Variants in PDE10A observed in about 807,000 individuals in gnomAD.
The protein encoded by PDE10A is phosphodiesterase 10A, also known as cAMP and cAMP-inhibited cGMP 3',5'-cyclic phosphodiesterase 10A.
Under a neutral mutation model 97.7 loss-of-function variants are expected in PDE10A, and 39 were observed. That is an observed-to-expected ratio of 0.40 (90% CI 0.31 to 0.52). PDE10A has a LOEUF of 0.52. Ranked by LOEUF, PDE10A falls within the 20% of genes least tolerant of loss-of-function variation. PDE10A has a pLI of 0.56. For synonymous variants in PDE10A, 371 were observed against 376.8 expected, an observed-to-expected ratio of 0.98 and a Z score of 0.18; for missense variants, 731 against 1,047.8, an observed-to-expected ratio of 0.70 and a Z score of 4.17.
chr6:165,485,062 C>T (rs1779821338), intron 2 of PDE10A, among the ~76,000 whole-genome samples: 1 of 152,174 alleles, frequency 6.6e-6, no homozygotes, highest in Non-Finnish European at 1.5e-5. Context: ...GGGTTCATTG[C>T]AACAGGTGAT....
chr6:165,403,923 T>C (rs1786889117), intron 13 of PDE10A, among the ~76,000 whole-genome samples: 1 of 152,206 alleles, frequency 6.6e-6, no homozygotes, highest in African/African-American at 2.4e-5. Flanking sequence ...TTTTTACGGC[T>C]GAATAATGTT....
At position 165,331,804 on chromosome 6, in the gene PDE10A, C is replaced by T. The variant is rs1312259351; in HGVS notation, c.*1221G>A. 10 of 152,116 alleles carry T rather than the reference C, an allele frequency of 6.6e-5. No individual in the cohort carries two copies. The highest frequency in any genetic ancestry group is 2.4e-4 in the African/African-American group (10 of 41,416). 9.4% of individuals were successfully genotyped at this position (152,116 alleles called of 1,614,324 possible). A position where few individuals can be genotyped will look rare whatever the true frequency, so the allele number is the denominator to read the frequency against. On this transcript the variant is annotated 3_prime_UTR_variant, in exon 22 of 22. Transcript: ENST00000539869. Reference sequence around the variant, plus strand: ...CAACCAAAAAGGTGTATAGAAGAAACCATCGAAACCCACAGGCTTCTATGG... The same window carrying T: ...CAACCAAAAAGGTGTATAGAAGAAATCATCGAAACCCACAGGCTTCTATGG...
intron 1 of PDE10A, among the ~76,000 whole-genome samples, chr6:165,854,896 C>T (rs1244148997): frequency 6.6e-6 from 1 of 152,156 alleles, no homozygotes; most frequent in Admixed American, 6.5e-5. Flanking sequence ...AAGAGGGGAC[C>T]GCGGGTCCCA....
intron 1 of PDE10A, among the ~76,000 whole-genome samples, chr6:165,879,335 G>C (rs922195218): frequency 1.8e-4 from 27 of 152,280 alleles, no homozygotes; most frequent in Middle Eastern, 3.4e-3. Context: ...TCTTAGCTTT[G>C]CTGTAGTTTG....
chr6:165,854,478 T>G (rs1780660337), intron 1 of PDE10A, among the ~76,000 whole-genome samples: 1 of 152,026 alleles, frequency 6.6e-6, no homozygotes, highest in South Asian at 2.1e-4. Flanking sequence ...CGTCCCCCGG[T>G]GTCCACCTCC....
intron 1 of PDE10A, among the ~76,000 whole-genome samples, chr6:165,940,986 G>A (rs1481394347): frequency 1.3e-5 from 2 of 152,170 alleles, no homozygotes; most frequent in Admixed American, 6.5e-5. Context: ...CTTCAGGACT[G>A]CTGCACGCAC....
chr6:165,546,383 T>C (rs989823405), intron 1 of PDE10A, among the ~76,000 whole-genome samples: 4 of 152,114 alleles, frequency 2.6e-5, no homozygotes, highest in Admixed American at 6.5e-5. Flanking sequence ...TGTAGAACTT[T>C]ATAGCACAAA....
chr6:165,568,380 C>T (rs1784896456), intron 1 of PDE10A, among the ~76,000 whole-genome samples: 1 of 152,150 alleles, frequency 6.6e-6, no homozygotes, highest in African/African-American at 2.4e-5. Flanking sequence ...GTTAATCACA[C>T]AGTCAACCAC....
intron 2 of PDE10A, among the ~76,000 whole-genome samples, chr6:165,483,623 A>T (rs1207333023): frequency 6.6e-6 from 1 of 152,240 alleles, no homozygotes; most frequent in Non-Finnish European, 1.5e-5. Flanking sequence ...TTAATTTTTT[A>T]AAGTTTTGAT....
chr6:165,985,812 A>G (rs1291307116), intron 1 of PDE10A, among the ~76,000 whole-genome samples: 1 of 152,090 alleles, frequency 6.6e-6, no homozygotes, highest in Non-Finnish European at 1.5e-5. Flanking sequence ...TCCCCAGTCA[A>G]TACCTCTTGG....
At chr6:165,500,490 A>T (rs1780805084) in intron 2 of PDE10A, among the ~76,000 whole-genome samples, 2 of 152,274 alleles carry the variant, frequency 1.3e-5, no homozygotes, top group South Asian at 4.1e-4. Context: ...GTGCTTTGTT[A>T]AAAAAGGGCT....
chr6:165,722,920 A>G (rs1430110437), intron 1 of PDE10A, among the ~76,000 whole-genome samples: 3 of 151,950 alleles, frequency 2.0e-5, no homozygotes, highest in Non-Finnish European at 4.4e-5. Flanking sequence ...ATGTGTGTAT[A>G]TATATTTTAA....
At chr6:165,598,857 G>A (rs1403425542) in intron 1 of PDE10A, among the ~76,000 whole-genome samples, 1 of 152,178 alleles carries the variant, frequency 6.6e-6, no homozygotes, top group Non-Finnish European at 1.5e-5. Flanking sequence ...CTGGGAGGCT[G>A]GCTATGGACC....
intron 1 of PDE10A, among the ~76,000 whole-genome samples, chr6:165,932,718 C>T (rs1583303677): frequency 2.6e-5 from 4 of 152,214 alleles, no homozygotes; most frequent in South Asian, 2.1e-4. Context: ...GTGATCTGCC[C>T]GCATCAGCCT....
intron 1 of PDE10A, among the ~76,000 whole-genome samples, chr6:165,840,586 C>T (rs1478303455): frequency 6.6e-6 from 1 of 152,190 alleles, no homozygotes; most frequent in Non-Finnish European, 1.5e-5. Flanking sequence ...ACCAAAACTG[C>T]AGGAGATGAA....
intron 1 of PDE10A, among the ~76,000 whole-genome samples, chr6:165,893,683 C>A (rs1441896320): frequency 6.6e-6 from 1 of 152,144 alleles, no homozygotes; most frequent in East Asian, 1.9e-4. Context: ...TTCCTGTATA[C>A]CCACATATTC....
At chr6:165,705,327 C>T (rs1230385182) in intron 1 of PDE10A, among the ~76,000 whole-genome samples, 1 of 152,232 alleles carries the variant, frequency 6.6e-6, no homozygotes, top group Non-Finnish European at 1.5e-5. Flanking sequence ...CAGACTGCTC[C>T]AGCTGCCTAC....
At chr6:165,734,351 T>C (rs899618075) in intron 1 of PDE10A, among the ~76,000 whole-genome samples, 4 of 151,652 alleles carry the variant, frequency 2.6e-5, no homozygotes, top group African/African-American at 7.3e-5. Context: ...GAAAAAGACG[T>C]CAGAGTAAAA....
chr6:165,806,042 TA>T (rs67104260), intron 1 of PDE10A, among the ~76,000 whole-genome samples: 8,007 of 72,960 alleles, frequency 0.11, 395 homozygotes, highest in Non-Finnish European at 0.14. Context: ...GCTTGATTAT[TA>T]AAAAAAAAAA....
Sources: gnomAD v4.1 joint callset for allele counts (sites outside exome capture counted in the v4.1 genomes callset) on GRCh38, gnomAD v4.1.1 for gene constraint, MANE v1.5 for transcripts, NCBI Gene and HGNC (gene_info 2026-07-23, HGNC 2026-07-21) for gene names.